The following MYOM1 variants were observed in gnomAD, a reference collection of about 807,000 sequenced individuals.
MYOM1 encodes the protein myomesin-1.
MYOM1 carries 164 observed loss-of-function variants against 205.3 expected under a neutral mutation model. That is an observed-to-expected ratio of 0.80 (90% CI 0.70 to 0.91). The LOEUF is 0.91. MYOM1 is among the 40% of genes least tolerant of loss of function. MYOM1 has a pLI of 0.00. For missense variants in MYOM1, 2,011 were observed against 2,127.3 expected (o/e 0.95, Z 1.08); for synonymous variants, 772 against 789.4 (o/e 0.98, Z 0.37).
chr18:3,230,487 GCT>G, the MYOM1 span, among the ~76,000 whole-genome samples: 1 of 152,220 alleles, frequency 6.6e-6, no homozygotes, highest in Non-Finnish European at 1.5e-5. Context: ...AGACAATCAG[GCT>G]GGTTGCCGGC....
chr18:3,069,795 G>A (rs547324616), intron 37 of MYOM1, among the ~76,000 whole-genome samples: 96 of 152,262 alleles, frequency 6.3e-4, no homozygotes, highest in Non-Finnish European at 1.1e-3. Flanking sequence ...TCAGATTTGG[G>A]TTCTGCATTA....
chr18:3,201,514 G>A (rs557330918), intron 2 of MYOM1, among the ~76,000 whole-genome samples: 1 of 152,060 alleles, frequency 6.6e-6, no homozygotes, highest in East Asian at 1.9e-4. Flanking sequence ...GACAGTGTGT[G>A]TACATACACA....
At chr18:3,162,206 A>G (rs1480495640) in intron 10 of MYOM1, among the ~76,000 whole-genome samples, 1 of 152,170 alleles carries the variant, frequency 6.6e-6, no homozygotes, top group Non-Finnish European at 1.5e-5. Flanking sequence ...AGGCGAGCCA[A>G]TTCTTAGGGC....
chr18:3,114,864 C>G (rs1431006780), intron 21 of MYOM1, among the ~76,000 whole-genome samples: 1 of 152,074 alleles, frequency 6.6e-6, no homozygotes, highest in South Asian at 2.1e-4. Context: ...CTCTCTTTCT[C>G]TCTCTGTCTC....
chr18:3,092,056 A>C lies in MYOM1; in HGVS notation c.3865-1254T>G, dbSNP rs12605653. Among the ~76,000 whole-genome samples, 40 of 152,162 alleles carry C rather than the reference A, an allele frequency of 2.6e-4. No individual in the cohort carries two copies. In the East Asian group the frequency reaches 7.7e-3, roughly 29 times the overall value. ...CTACATTATTTTTAATGAGTAGAATAATGTAAAACTATAGGCAGCAGAGGC... is the reference window on the plus strand; with the variant it reads ...CTACATTATTTTTAATGAGTAGAATCATGTAAAACTATAGGCAGCAGAGGC... On this transcript the variant is annotated intron_variant, in intron 26 of 37. Coordinates refer to ENST00000356443, the MANE Select transcript of MYOM1 (RefSeq NM_003803.4).
chr18:3,120,639 C>A (rs1002893723), intron 19 of MYOM1, among the ~76,000 whole-genome samples: 12 of 152,150 alleles, frequency 7.9e-5, no homozygotes, highest in African/African-American at 2.7e-4. Flanking sequence ...CACCGTGATA[C>A]AACAAATGTG....
chr18:3,151,635 A>T, intron 12 of MYOM1, 59 bp downstream of exon 12: 2 of 1,453,802 alleles, frequency 1.4e-6, no homozygotes, highest in Non-Finnish European at 9.3e-7. Flanking sequence ...AATGAAGCTG[A>T]TTCTTGCAGT....
rs768362849 is a variant in MYOM1 at position 3,129,275 on chromosome 18, C to T, written c.2751G>A (p.Gln917=). Reference sequence around the variant, plus strand: ...TCAGGGGGTCAGACTTACTTTTCCCCTGAGGAGCCGCTTTCTGTGGTGGCG... The same window carrying T: ...TCAGGGGGTCAGACTTACTTTTCCCTTGAGGAGCCGCTTTCTGTGGTGGCG... The part of the protein sequence containing the change: ...LTPPPQKAAP[Q]GKSKSDPLKK... The change falls in exon 18 of 38, where the codon CAG becomes CAA. Residue 917 remains glutamine, a synonymous_variant. Coordinates refer to ENST00000356443, the MANE Select transcript of MYOM1 (RefSeq NM_003803.4). 6 of 1,613,978 alleles carry T rather than the reference C, an allele frequency of 3.7e-6. No homozygotes were observed. In the Admixed American group the frequency reaches 8.3e-5, roughly 22 times the overall value.
chr18:3,107,528 CTTA>C (rs1408781753), intron 22 of MYOM1, among the ~76,000 whole-genome samples: 3 of 152,076 alleles, frequency 2.0e-5, no homozygotes, highest in Non-Finnish European at 4.4e-5. Flanking sequence ...CCACAAATGT[CTTA>C]TATTTCCCCT....
intron 33 of MYOM1, among the ~76,000 whole-genome samples, chr18:3,079,776 T>C (rs1439588727): frequency 2.0e-5 from 3 of 152,320 alleles, no homozygotes; most frequent in African/African-American, 4.8e-5. Context: ...AACACACTTA[T>C]GGAGGCTCAT....
At chr18:3,168,442 C>T (rs11876125) in intron 9 of MYOM1, among the ~76,000 whole-genome samples, 2,619 of 152,236 alleles carry the variant, frequency 0.017, 75 homozygotes, top group African/African-American at 0.06. Context: ...GTGCACACCA[C>T]CACGCCTGGC....
intron 5 of MYOM1, among the ~76,000 whole-genome samples, chr18:3,177,703 C>T (rs921855283): frequency 3.9e-5 from 6 of 152,086 alleles, no homozygotes; most frequent in Non-Finnish European, 4.4e-5. Context: ...GAACCCCTGA[C>T]CTCAGGTCAT....
At position 3,135,791 on chromosome 18, in the gene MYOM1, AG is replaced by A; in HGVS notation, c.2026-62del. 6.3e-7 allele frequency: 1 copy of A among 1,580,514 alleles called. No individual in the cohort carries two copies. On this transcript the variant is annotated intron_variant, in intron 14 of 37. Coordinates refer to ENST00000356443, the MANE Select transcript of MYOM1 (RefSeq NM_003803.4). The surrounding 1 kb of genome is among the most constrained non-coding windows in gnomAD (Gnocchi z 4.1). ...GCAAACACAAGCGAGAATCCAGGCC[AG>A]GCAACTCCAAGTTTCATTCATCTGC... is the stretch of plus-strand genomic sequence containing the variant.
At chr18:3,075,598 G>C (rs2079012386) in intron 35 of MYOM1, 122 bp from the exon 36 acceptor site, 1 of 1,404,240 alleles carries the variant, frequency 7.1e-7, no homozygotes, top group Non-Finnish European at 1.0e-6. Context: ...ATAACAATGG[G>C]AAGTGCTGCT....
chr18:3,130,513 G>A (rs2079860495), intron 17 of MYOM1, among the ~76,000 whole-genome samples: 7 of 152,076 alleles, frequency 4.6e-5, no homozygotes, highest in Admixed American at 4.6e-4. Flanking sequence ...GTGCAGTGGT[G>A]AGATCATAGT....
At position 3,079,189 on chromosome 18, in the gene MYOM1, G is replaced by A; in HGVS notation, c.4638C>T (p.Leu1546=). ...GKTGHQKTVD[L]SGQAYDEAYA... ...AAAATATCTGTTTACCTTGTCCAGA[G>A]AGATCCACTGTCTTCTGATGTCCAG... The change falls in exon 34 of 38, where the codon CTC becomes CTT. Residue 1546 remains leucine (L), a synonymous_variant. Transcript: ENST00000356443. The A allele has an allele frequency of 6.2e-7, 1 of 1,613,776 alleles. No homozygotes were observed. Among genetic ancestry groups the A allele is most frequent in the Non-Finnish European group, 8.5e-7 (1 of 1,179,816 alleles).
At chr18:3,183,446 G>T (rs1054441849) in intron 5 of MYOM1, among the ~76,000 whole-genome samples, 2 of 152,146 alleles carry the variant, frequency 1.3e-5, no homozygotes, top group Non-Finnish European at 2.9e-5. Flanking sequence ...CTGAGTGCTT[G>T]TATCATTTGT....
intron 19 of MYOM1, 90 bp downstream of exon 19, chr18:3,126,611 C>T: frequency 8.5e-7 from 1 of 1,176,904 alleles, no homozygotes; most frequent in Non-Finnish European, 1.2e-6. Flanking sequence ...ACGTGACTCT[C>T]TTACAAGGTG....
At chr18:3,215,389 C>T in intron 1 of MYOM1, 138 bp from the exon 2 acceptor site, 1 of 724,596 alleles carries the variant, frequency 1.4e-6, no homozygotes, top group African/African-American at 1.8e-5. Flanking sequence ...GAGGATCTCT[C>T]GAGGCCGGGA....
Sources: gnomAD v4.1 joint callset for allele counts (sites outside exome capture counted in the v4.1 genomes callset) on GRCh38, gnomAD v4.1.1 for gene constraint, Gnocchi (gnomAD v3.1) non-coding constraint, MANE v1.5 for transcripts, NCBI Gene and HGNC (gene_info 2026-07-23, HGNC 2026-07-21) for gene names.